Variants in VEGFC observed in about 807,000 individuals in gnomAD.
VEGFC encodes the protein FLT4 ligand DHM.
VEGFC carries 12 observed loss-of-function variants against 46.1 expected under a neutral mutation model. The observed-to-expected ratio is 0.26, with a 90% CI of 0.17 to 0.42. VEGFC has a LOEUF of 0.42. Among genes scored for constraint, VEGFC ranks in the 10% least tolerant of loss-of-function variants. The probability of loss-of-function intolerance (pLI) is 1.00; values close to 1 mark genes in which losing one functional copy is unlikely to be tolerated. For missense variants in VEGFC, 488 were observed against 529.4 expected (o/e 0.92, Z 0.77); for synonymous variants, 232 against 195.5 (o/e 1.19, Z -1.56).
chr4:176,762,337 A>G (rs1055247665), intron 1 of VEGFC, among the ~76,000 whole-genome samples: 1 of 152,140 alleles, frequency 6.6e-6, no homozygotes, highest in Non-Finnish European at 1.5e-5. Flanking sequence ...AAGGGCTTTC[A>G]TGTATCATGG....
chr4:176,758,267 T>C (rs1735468147), intron 1 of VEGFC, among the ~76,000 whole-genome samples: 1 of 152,134 alleles, frequency 6.6e-6, no homozygotes, highest in Non-Finnish European at 1.5e-5. Flanking sequence ...TTCCTCAGTT[T>C]TGAAGAACAA....
intron 3 of VEGFC, among the ~76,000 whole-genome samples, 160 bp from the exon 4 acceptor site, chr4:176,711,810 T>A (rs180756750): frequency 6.6e-6 from 1 of 152,286 alleles, no homozygotes; most frequent in Admixed American, 6.5e-5. Flanking sequence ...GTAAAAACTG[T>A]CTTGCTCCTA....
intron 1 of VEGFC, among the ~76,000 whole-genome samples, chr4:176,734,845 A>G (rs1244810101): frequency 6.6e-6 from 1 of 151,880 alleles, no homozygotes; most frequent in Non-Finnish European, 1.5e-5. Context: ...ACTTCTAAGC[A>G]TGTAATTTTA....
intron 1 of VEGFC, among the ~76,000 whole-genome samples, chr4:176,776,269 T>C (rs1258280990): frequency 6.6e-6 from 1 of 152,180 alleles, no homozygotes; most frequent in African/African-American, 2.4e-5. Flanking sequence ...AGAAAAGCAG[T>C]GCCTTAGCAA....
At chr4:176,686,251 C>T (rs148430645) in intron 6 of VEGFC, among the ~76,000 whole-genome samples, 59 of 152,190 alleles carry the variant, frequency 3.9e-4, no homozygotes, top group African/African-American at 1.3e-3. Flanking sequence ...GCCAATGAAA[C>T]GTTAAACAGA....
At chr4:176,738,932 T>G (rs1192362878) in intron 1 of VEGFC, among the ~76,000 whole-genome samples, 2 of 151,788 alleles carry the variant, frequency 1.3e-5, no homozygotes, top group East Asian at 4.0e-4. Context: ...GGGCAATGAT[T>G]TTATAATATA....
At chr4:176,765,856 A>G (rs1023820588) in intron 1 of VEGFC, among the ~76,000 whole-genome samples, 1 of 152,140 alleles carries the variant, frequency 6.6e-6, no homozygotes, top group African/African-American at 2.4e-5. Flanking sequence ...CCCGGCCCCA[A>G]AGACAGAATT....
rs1471033577 is a variant in VEGFC at position 176,692,258 on chromosome 4, G to C, written c.705-4331C>G. 2.9e-5 allele frequency among the ~76,000 whole-genome samples: 4 copies of C among 138,510 alleles called. 1 individual carries two copies. The highest frequency in any genetic ancestry group is 4.5e-5 in the Non-Finnish European group (3 of 66,194). 90.9% of individuals were successfully genotyped at this position (138,510 alleles called of 152,430 possible). On this transcript the variant is annotated intron_variant, in intron 4 of 6. Transcript: ENST00000618562. ...AAATACAAAAAATTAGCCGGGCGTAGTGGCGGGCGCCTGTAGTCCCAGCTA... is the reference window on the plus strand; with the variant it reads ...AAATACAAAAAATTAGCCGGGCGTACTGGCGGGCGCCTGTAGTCCCAGCTA...
At chr4:176,720,601 G>C (rs1012427459) in intron 3 of VEGFC, among the ~76,000 whole-genome samples, 2 of 152,054 alleles carry the variant, frequency 1.3e-5, no homozygotes, top group African/African-American at 4.8e-5. Context: ...CACTTTGGGA[G>C]GCAGAGGTGG....
At chr4:176,744,167 T>C (rs890760372) in intron 1 of VEGFC, among the ~76,000 whole-genome samples, 2 of 152,066 alleles carry the variant, frequency 1.3e-5, no homozygotes, top group Non-Finnish European at 1.5e-5. Context: ...CCCTGGATTC[T>C]CATTTATATG....
intron 1 of VEGFC, among the ~76,000 whole-genome samples, chr4:176,771,188 C>T (rs1735715955): frequency 6.6e-6 from 1 of 152,098 alleles, no homozygotes; most frequent in South Asian, 2.1e-4. Context: ...TTATTCAAGT[C>T]ACATTAAGAA....
At chr4:176,711,904 C>A (rs1734626958) in intron 3 of VEGFC, among the ~76,000 whole-genome samples, 1 of 151,968 alleles carries the variant, frequency 6.6e-6, no homozygotes. Flanking sequence ...ATTAGGATAA[C>A]CAACTAATTG....
At chr4:176,776,499 A>G (rs950077417) in intron 1 of VEGFC, among the ~76,000 whole-genome samples, 6 of 152,262 alleles carry the variant, frequency 3.9e-5, no homozygotes, top group Non-Finnish European at 7.3e-5. Context: ...AAAGGAGCCA[A>G]TGAAGAGAGG....
chr4:176,683,935 T>C lies in VEGFC; in HGVS notation c.1251A>G (p.Gln417=). 1.9e-6 allele frequency: 3 copies of C among 1,612,334 alleles called. No individual in the cohort carries two copies. Among genetic ancestry groups the C allele is most frequent in the South Asian group, 1.1e-5 (1 of 91,038 alleles). Residue 417 remains glutamine, a synonymous_variant, in exon 7 of 7, where the codon CAA becomes CAG. Transcript: ENST00000618562. ...RCVPSYWKRP[Q]MS ...GGAAAACAGTACAATCTTAGCTCAT[T>C]TGTGGTCTTTTCCAATATGAAGGGA...
chr4:176,720,080 T>C (rs897692509), intron 3 of VEGFC, among the ~76,000 whole-genome samples: 13 of 151,828 alleles, frequency 8.6e-5, no homozygotes, highest in Non-Finnish European at 1.5e-4. Context: ...AAATTCCTTA[T>C]ACTATAAACA....
intron 1 of VEGFC, among the ~76,000 whole-genome samples, chr4:176,747,603 G>A (rs948795823): frequency 3.3e-5 from 5 of 151,956 alleles, no homozygotes; most frequent in African/African-American, 1.2e-4. Context: ...ACCATCCTGG[G>A]CAATACAGCG....
At chr4:176,706,196 C>T (rs528554285) in intron 4 of VEGFC, 7 of 152,086 alleles carry the variant, frequency 4.6e-5, no homozygotes, top group African/African-American at 1.2e-4. Flanking sequence ...GCCAGCCAAG[C>T]GCATCTTTGT....
At chr4:176,697,894 C>T (rs1560937469) in intron 4 of VEGFC, among the ~76,000 whole-genome samples, 2 of 150,866 alleles carry the variant, frequency 1.3e-5, no homozygotes, top group Non-Finnish European at 2.9e-5. Context: ...AACAAAAAAC[C>T]AAACACCGCA....
intron 1 of VEGFC, among the ~76,000 whole-genome samples, chr4:176,777,916 CTCAAA>C (rs1735841142): frequency 2.6e-5 from 1 of 38,490 alleles, no homozygotes; most frequent in African/African-American, 1.3e-4. Context: ...AAGACTTTGT[CTCAAA>C]AAAAAAAAAA....
Sources: allele counts gnomAD v4.1 joint callset (sites outside exome capture counted in the v4.1 genomes callset), GRCh38; gene constraint gnomAD v4.1.1; transcripts MANE v1.5; gene names NCBI Gene and HGNC (gene_info 2026-07-23, HGNC 2026-07-21).